The following LURAP1 variants were observed in gnomAD, a reference collection of about 807,000 sequenced individuals.
LURAP1 encodes leucine rich adaptor protein 1.
LURAP1 carries 14 observed loss-of-function variants against 19.0 expected under a neutral mutation model. The observed-to-expected ratio is 0.74, with a 90% CI of 0.49 to 1.15. LURAP1 has a LOEUF of 1.15. Among genes scored for constraint, LURAP1 ranks in the 50% most tolerant of loss-of-function variants. The pLI, the probability that LURAP1 is intolerant of heterozygous loss-of-function variation, is 0.00. For missense variants in LURAP1, 273 were observed against 309.1 expected (o/e 0.88, Z 0.87); for synonymous variants, 129 against 131.8 (o/e 0.98, Z 0.14).
intron 1 of LURAP1, 43 bp from the exon 2 acceptor site, chr1:46,219,656 C>G: frequency 6.6e-7 from 1 of 1,521,172 alleles, no homozygotes; most frequent in Non-Finnish European, 8.8e-7. Flanking sequence ...TGGGGAAACC[C>G]ATGCCCCAGA....
At chr1:46,211,237 G>A (rs574686336) in intron 1 of LURAP1, among the ~76,000 whole-genome samples, 1 of 152,110 alleles carries the variant, frequency 6.6e-6, no homozygotes, top group African/African-American at 2.4e-5. Context: ...CTTCCTCCAG[G>A]GTATGAGTCA....
chr1:46,216,945 A>G (rs891173041), intron 1 of LURAP1, among the ~76,000 whole-genome samples: 5 of 152,192 alleles, frequency 3.3e-5, no homozygotes, highest in African/African-American at 9.6e-5. Context: ...CCAGTTGCAT[A>G]CATGTTGCTG....
At position 46,220,336 on chromosome 1, in the gene LURAP1, C is replaced by A; in HGVS notation, c.*116C>A. 1 of 1,120,568 alleles carries A rather than the reference C, an allele frequency of 8.9e-7. No individual in the cohort carries two copies. 69.4% of individuals were successfully genotyped at this position (1,120,568 alleles called of 1,614,324 possible). On this transcript the variant is annotated 3_prime_UTR_variant, in exon 2 of 2. Transcript: ENST00000371980. ...GAAGAGGCTGCACTGAAATCAGTTA[C>A]CATGGAAACCTGGCTCATCATTTCT...
intron 1 of LURAP1, among the ~76,000 whole-genome samples, chr1:46,210,937 C>T (rs943089438): frequency 6.7e-6 from 1 of 148,346 alleles, no homozygotes; most frequent in Admixed American, 6.9e-5. Flanking sequence ...ACCACACTCA[C>T]CTAATTTTTT....
chr1:46,209,544 T>C (rs1658827588), intron 1 of LURAP1, among the ~76,000 whole-genome samples: 1 of 132,596 alleles, frequency 7.5e-6, no homozygotes, highest in African/African-American at 2.6e-5. Context: ...TTTCTTTTTT[T>C]TTTTCTTTTT....
At chr1:46,211,775 A>T (rs536171343) in intron 1 of LURAP1, among the ~76,000 whole-genome samples, 268 of 152,122 alleles carry the variant, frequency 1.8e-3, no homozygotes, top group African/African-American at 3.6e-3. Flanking sequence ...ATATATATAT[A>T]TTTTTTTGAG....
chr1:46,215,987 A>AAT (rs1659052357), intron 1 of LURAP1, among the ~76,000 whole-genome samples: 1 of 151,976 alleles, frequency 6.6e-6, no homozygotes, highest in Non-Finnish European at 1.5e-5. Flanking sequence ...CCAAACTATC[A>AAT]ATAGTGTGAG....
intron 1 of LURAP1, among the ~76,000 whole-genome samples, chr1:46,212,572 C>T (rs562071269): frequency 6.6e-6 from 1 of 150,590 alleles, no homozygotes; most frequent in South Asian, 2.1e-4. Flanking sequence ...TGAGCCACTG[C>T]ACCCGGCCAA....
chr1:46,216,247 C>T (rs377142953), intron 1 of LURAP1, among the ~76,000 whole-genome samples: 3 of 151,850 alleles, frequency 2.0e-5, no homozygotes, highest in South Asian at 2.1e-4. Context: ...GGGGTTTCAC[C>T]GTGTTAGCCA....
intron 1 of LURAP1, among the ~76,000 whole-genome samples, chr1:46,214,495 A>T (rs55707872): frequency 6.6e-6 from 1 of 152,162 alleles, no homozygotes; most frequent in Non-Finnish European, 1.5e-5. Flanking sequence ...AGGTGTAAAA[A>T]GGTAAACATT....
At chr1:46,208,718 G>C (rs903960450) in intron 1 of LURAP1, among the ~76,000 whole-genome samples, 1 of 152,092 alleles carries the variant, frequency 6.6e-6, no homozygotes, top group Admixed American at 6.6e-5. Flanking sequence ...TGGTGCACCT[G>C]TAATCCCAGC....
rs1218798360 is a variant in LURAP1 at position 46,219,867 on chromosome 1, A to C, written c.367A>C (p.Arg123=). ...GACAGGCGGGAGCCCAGGCCGCTCA[A>C]GGCGAGGCAGCTGGGACAGCCTGCC... is the stretch of plus-strand genomic sequence containing the variant. ...SLTGGSPGRS[R]RGSWDSLPDT... Residue 123 remains arginine, a synonymous_variant, in exon 2 of 2, where the codon AGG becomes CGG. Coordinates refer to ENST00000371980, the MANE Select transcript of LURAP1 (RefSeq NM_001013615.3). The C allele has an allele frequency of 6.2e-7, 1 of 1,613,960 alleles. No individual in the cohort carries two copies. Among genetic ancestry groups the C allele is most frequent in the South Asian group, 1.1e-5 (1 of 91,062 alleles).
At chr1:46,215,066 G>C (rs1210112355) in intron 1 of LURAP1, among the ~76,000 whole-genome samples, 1 of 151,556 alleles carries the variant, frequency 6.6e-6, no homozygotes, top group Non-Finnish European at 1.5e-5. Flanking sequence ...CTGTACTAAA[G>C]ATACAAAAAA....
At chr1:46,212,032 G>A (rs1458655507) in intron 1 of LURAP1, among the ~76,000 whole-genome samples, 2 of 152,048 alleles carry the variant, frequency 1.3e-5, no homozygotes, top group Admixed American at 1.3e-4. Flanking sequence ...AAAGTGCCGG[G>A]ATTACAGGAG....
intron 1 of LURAP1, among the ~76,000 whole-genome samples, chr1:46,207,263 T>TAGAG (rs943720215): frequency 6.6e-6 from 1 of 152,086 alleles, no homozygotes; most frequent in African/African-American, 2.4e-5. Flanking sequence ...GTATTTTTAG[T>TAGAG]AGAGACGGGA....
intron 1 of LURAP1, among the ~76,000 whole-genome samples, chr1:46,212,577 G>C (rs1044787389): frequency 6.6e-6 from 1 of 151,012 alleles, no homozygotes; most frequent in African/African-American, 2.4e-5. Context: ...CACTGCACCC[G>C]GCCAAATTTT....
chr1:46,220,037 G>C lies in LURAP1; in HGVS notation c.537G>C (p.Glu179Asp). Residue 179 changes from glutamate to aspartate, a missense_variant, in exon 2 of 2, where the codon GAG (glutamate) becomes GAC (aspartate). By Grantham distance (45) the Glu-to-Asp change is conservative (BLOSUM62 2). Coordinates refer to ENST00000371980, the MANE Select transcript of LURAP1 (RefSeq NM_001013615.3). ...GGGCAAAAGTTATAGCTGGTGGAGA[G>C]AGGGCCAGGACTGAGGTGGATGTGG... Reference protein sequence around the residue: ...MDWAKVIAGGERARTEVDVAA... With the variant: ...MDWAKVIAGGDRARTEVDVAA... 1 of 1,614,246 alleles carries C rather than the reference G, an allele frequency of 6.2e-7. No individual in the cohort carries two copies. The highest frequency in any genetic ancestry group is 8.5e-7 in the Non-Finnish European group (1 of 1,180,040).
intron 1 of LURAP1, among the ~76,000 whole-genome samples, chr1:46,208,834 C>T (rs1658805023): frequency 6.6e-6 from 1 of 151,966 alleles, no homozygotes; most frequent in African/African-American, 2.4e-5. Flanking sequence ...GTGCAAAACT[C>T]TGTCTCAAAA....
chr1:46,209,754 A>C (rs1473248945), intron 1 of LURAP1, among the ~76,000 whole-genome samples: 1 of 151,486 alleles, frequency 6.6e-6, no homozygotes, highest in Non-Finnish European at 1.5e-5. Flanking sequence ...CGGGTAATCC[A>C]CTTGCCTCAG....
Sources: allele counts gnomAD v4.1 joint callset (sites outside exome capture counted in the v4.1 genomes callset), GRCh38; gene constraint gnomAD v4.1.1; transcripts MANE v1.5; gene names NCBI Gene and HGNC (gene_info 2026-07-23, HGNC 2026-07-21).